The following DGKI variants were observed in gnomAD, a reference collection of about 807,000 sequenced individuals.
DGKI encodes the protein DAG kinase iota.
In DGKI, 55 loss-of-function variants were observed where a neutral mutation model predicts 147.5. The ratio of observed to expected loss-of-function variants is 0.37; its 90% CI spans 0.30 to 0.47. The LOEUF (loss-of-function observed/expected upper bound fraction) is 0.47, where lower values mean the gene tolerates loss of function less well. DGKI is among the 20% of genes least tolerant of loss of function. The pLI, the probability that DGKI is intolerant of heterozygous loss-of-function variation, is 1.00. For missense variants in DGKI, 1,007 were observed against 1,323.8 expected (o/e 0.76, Z 3.71); for synonymous variants, 469 against 477.1 (o/e 0.98, Z 0.22).
At chr7:137,831,251 A>C (rs1798210923) in intron 1 of DGKI, among the ~76,000 whole-genome samples, 1 of 152,222 alleles carries the variant, frequency 6.6e-6, no homozygotes, top group Non-Finnish European at 1.5e-5. Flanking sequence ...TTAAACAAAA[A>C]GGAATTTTAT....
intron 1 of DGKI, among the ~76,000 whole-genome samples, chr7:137,728,286 A>G (rs1007800655): frequency 1.3e-5 from 2 of 152,112 alleles, no homozygotes; most frequent in Non-Finnish European, 2.9e-5. Context: ...AAGGCACAAG[A>G]GGCTCAATCA....
At chr7:137,588,475 C>CT (rs71533759) in intron 12 of DGKI, among the ~76,000 whole-genome samples, 6,425 of 116,644 alleles carry the variant, frequency 0.055, 291 homozygotes, top group Middle Eastern at 0.088. Context: ...CATACCGATG[C>CT]TTTTTTTTTT....
chr7:137,462,810 G>C (rs1814499893), intron 27 of DGKI, among the ~76,000 whole-genome samples: 1 of 152,212 alleles, frequency 6.6e-6, no homozygotes, highest in Non-Finnish European at 1.5e-5. Context: ...GTGCGCATGA[G>C]TGTATCTGTC....
At chr7:137,515,107 T>TG (rs1033025387) in intron 21 of DGKI, among the ~76,000 whole-genome samples, 2 of 152,182 alleles carry the variant, frequency 1.3e-5, no homozygotes, top group Non-Finnish European at 2.9e-5. Context: ...CCTTGGAACT[T>TG]GCCATTTCCT....
chr7:137,512,514 T>C (rs927628810), intron 21 of DGKI, among the ~76,000 whole-genome samples: 2 of 152,180 alleles, frequency 1.3e-5, no homozygotes, highest in Non-Finnish European at 2.9e-5. Flanking sequence ...GTCAACCTGG[T>C]AAGACAGCAA....
chr7:137,626,707 G>A (rs191277320), intron 6 of DGKI, among the ~76,000 whole-genome samples: 33 of 152,256 alleles, frequency 2.2e-4, no homozygotes, highest in African/African-American at 5.5e-4. Context: ...AGCAGAAGCC[G>A]GGGTGAGACC....
intron 1 of DGKI, among the ~76,000 whole-genome samples, chr7:137,768,862 G>A (rs1796095592): frequency 6.6e-6 from 1 of 152,130 alleles, no homozygotes; most frequent in Non-Finnish European, 1.5e-5. Context: ...GGTCTATATG[G>A]CGGCTTCATC....
intron 30 of DGKI, among the ~76,000 whole-genome samples, chr7:137,400,334 C>G (rs1328235355): frequency 6.6e-6 from 1 of 152,174 alleles, no homozygotes; most frequent in East Asian, 1.9e-4. Context: ...AGCTCTGTTC[C>G]CATTGGTACT....
intron 1 of DGKI, among the ~76,000 whole-genome samples, chr7:137,705,897 G>T (rs1345327228): frequency 6.6e-6 from 1 of 151,916 alleles, no homozygotes; most frequent in Non-Finnish European, 1.5e-5. Flanking sequence ...CTGAGAGAGG[G>T]TCAGGAGGAA....
chr7:137,495,059 T>C (rs1815911754), intron 21 of DGKI, among the ~76,000 whole-genome samples: 2 of 151,784 alleles, frequency 1.3e-5, no homozygotes, highest in African/African-American at 4.8e-5. Context: ...AGAACAACAT[T>C]ACATAATGGT....
At chr7:137,408,305 G>A (rs1329467656) in intron 29 of DGKI, among the ~76,000 whole-genome samples, 1 of 152,182 alleles carries the variant, frequency 6.6e-6, no homozygotes, top group Non-Finnish European at 1.5e-5. Context: ...CGAAGGAGTA[G>A]TGAGGGGTGG....
chr7:137,430,747 G>T (rs1813037995), intron 28 of DGKI, among the ~76,000 whole-genome samples: 1 of 152,116 alleles, frequency 6.6e-6, no homozygotes, highest in Admixed American at 6.6e-5. Flanking sequence ...TGGGGGTACA[G>T]ATTTCTATAG....
At chr7:137,477,381 G>T (rs1237161359) in intron 23 of DGKI, among the ~76,000 whole-genome samples, 1 of 152,030 alleles carries the variant, frequency 6.6e-6, no homozygotes. Flanking sequence ...CATGTTGCAT[G>T]GTTTTCATTT....
chr7:137,624,627 C>T (rs1435672637), intron 6 of DGKI, among the ~76,000 whole-genome samples: 6 of 151,070 alleles, frequency 4.0e-5, no homozygotes, highest in African/African-American at 9.7e-5. Flanking sequence ...TTTTTTGAGA[C>T]GGGATCTTGG....
intron 31 of DGKI, among the ~76,000 whole-genome samples, chr7:137,396,779 A>G (rs1731947): frequency 0.4 from 60,825 of 152,116 alleles, 12,664 homozygotes; most frequent in Non-Finnish European, 0.46. Flanking sequence ...GGGGAGCAGT[A>G]GCTATTTCGC....
chr7:137,411,486 C>A (rs751918805), intron 29 of DGKI, among the ~76,000 whole-genome samples: 11 of 151,996 alleles, frequency 7.2e-5, no homozygotes, highest in Non-Finnish European at 1.5e-4. Flanking sequence ...TTCCTCATGA[C>A]AAGCCAAAGA....
intron 1 of DGKI, among the ~76,000 whole-genome samples, chr7:137,732,310 T>C (rs1164428391): frequency 1.3e-5 from 2 of 152,098 alleles, no homozygotes; most frequent in African/African-American, 4.8e-5. Context: ...AGAGCTCTAA[T>C]AATACTGGGG....
Position 137,397,422 on chromosome 7 carries a change from GAAGA to G in DGKI, c.2921-13_2921-10del, listed in dbSNP as rs1248451651. The stretch of plus-strand genomic sequence containing the variant: ...CAATAACTCGGAAGGTCCTAAATAA[GAAGA>G]AAGCAAGATGACCGTCAAAAATAAG... On this transcript the variant is annotated splice_polypyrimidine_tract_variant and intron_variant, in intron 30 of 32. Coordinates refer to ENST00000614521, the MANE Select transcript of DGKI (RefSeq NM_001321708.2). 1 of 1,610,788 alleles carries G rather than the reference GAAGA, an allele frequency of 6.2e-7. No individual in the cohort carries two copies. The highest frequency in any genetic ancestry group is 8.5e-7 in the Non-Finnish European group (1 of 1,179,242).
At chr7:137,459,470 ATTT>A (rs68045398) in intron 27 of DGKI, among the ~76,000 whole-genome samples, 944 of 107,402 alleles carry the variant, frequency 8.8e-3, no homozygotes, top group African/African-American at 0.034. Flanking sequence ...AATTTTTTAA[ATTT>A]TTTTTTTTTT....
Sources: gnomAD v4.1 joint callset for allele counts (sites outside exome capture counted in the v4.1 genomes callset) on GRCh38, gnomAD v4.1.1 for gene constraint, MANE v1.5 for transcripts, NCBI Gene and HGNC (gene_info 2026-07-23, HGNC 2026-07-21) for gene names.